Variants in CBLB observed in about 807,000 individuals in gnomAD.
CBLB encodes the protein E3 ubiquitin-protein ligase CBL-B.
Under a neutral mutation model 104.9 loss-of-function variants are expected in CBLB, and 31 were observed. The ratio of observed to expected loss-of-function variants is 0.30; its 90% CI spans 0.22 to 0.40. The LOEUF (loss-of-function observed/expected upper bound fraction) is 0.40. Among genes scored for constraint, CBLB ranks in the 10% least tolerant of loss-of-function variants. The pLI is 1.00. For synonymous variants in CBLB, 440 were observed against 422.6 expected (o/e 1.04, Z -0.51); for missense variants, 1,062 against 1,214.6 (o/e 0.87, Z 1.87).
chr3:105,704,372 A>G (rs879303529), intron 10 of CBLB, among the ~76,000 whole-genome samples, 199 bp from the exon 11 acceptor site: 8 of 152,188 alleles, frequency 5.3e-5, no homozygotes, highest in East Asian at 1.9e-4. Flanking sequence ...GAAAAGACTG[A>G]TAAGTTTTTC....
chr3:105,818,012 T>C (rs1188398741), intron 3 of CBLB, among the ~76,000 whole-genome samples: 7 of 152,212 alleles, frequency 4.6e-5, no homozygotes, highest in South Asian at 2.1e-4. Context: ...GATGTAATTA[T>C]ATTATCTTGT....
rs370356049 is a variant in CBLB at position 105,704,200 on chromosome 3, G to A, written c.1408-27C>T. The A allele has an allele frequency of 1.7e-5, 28 of 1,600,818 alleles. No individual in the cohort carries two copies. In the African/African-American group the frequency reaches 2.3e-4, roughly 13 times the overall value. On this transcript the variant is annotated intron_variant, in intron 10 of 18. Transcript: ENST00000394030. ...TAGAACAGAAAAAGAGAAAGATGCC[G>A]CTGTTTATTAGCTGTGCAGAGTGTT... is the stretch of plus-strand genomic sequence containing the variant.
In CBLB at chr3:105,738,664, A is replaced by C. The variant is rs79357086; in HGVS notation, c.984-1406T>G. Among the ~76,000 whole-genome samples, 924 of 152,178 alleles carry C rather than the reference A, an allele frequency of 6.1e-3. 28 individuals carry two copies. The highest frequency in any genetic ancestry group is 0.05 in the East Asian group (260 of 5,166). ...TAAAGGTTCTTTTTAACCTATCAGG[A>C]GGTTGTTGATAGGTTCTACTTATAA... On this transcript the variant is annotated intron_variant, in intron 7 of 18. Transcript: ENST00000394030.
At chr3:105,823,829 G>T (rs1393860901) in intron 3 of CBLB, among the ~76,000 whole-genome samples, 1 of 152,008 alleles carries the variant, frequency 6.6e-6, no homozygotes, top group Non-Finnish European at 1.5e-5. Context: ...CCATACCAGG[G>T]TACAAAGCAC....
At chr3:105,663,323 G>A (rs1385927209) in intron 18 of CBLB, among the ~76,000 whole-genome samples, 4 of 152,182 alleles carry the variant, frequency 2.6e-5, no homozygotes, top group Non-Finnish European at 4.4e-5. Context: ...AAGAAGAAGT[G>A]AGCAAAGGCA....
intron 9 of CBLB, among the ~76,000 whole-genome samples, chr3:105,721,050 C>T (rs1203692482): frequency 2.6e-5 from 4 of 152,196 alleles, no homozygotes; most frequent in African/African-American, 9.6e-5. Flanking sequence ...AGACTGTTTT[C>T]TTGCCCTACA....
chr3:105,748,041 T>C (rs930872552), intron 5 of CBLB, among the ~76,000 whole-genome samples: 1 of 152,194 alleles, frequency 6.6e-6, no homozygotes, highest in Admixed American at 6.5e-5. Context: ...ATGTAGTACT[T>C]ATGTGCTTTT....
intron 9 of CBLB, among the ~76,000 whole-genome samples, chr3:105,732,697 T>C (rs865848941): frequency 4.6e-5 from 7 of 152,162 alleles, no homozygotes; most frequent in African/African-American, 1.7e-4. Context: ...TATATTTTAT[T>C]ACTAAGTAAG....
intron 17 of CBLB, chr3:105,671,361 A>T (rs1219990232): frequency 4.7e-6 from 1 of 214,718 alleles, no homozygotes; most frequent in Non-Finnish European, 9.4e-6. Flanking sequence ...CAGGGATCTG[A>T]GGGATCTTTT....
intron 3 of CBLB, among the ~76,000 whole-genome samples, chr3:105,814,935 C>T (rs1430923193): frequency 8.4e-6 from 1 of 119,094 alleles, no homozygotes; most frequent in African/African-American, 3.2e-5. Context: ...TGCCACACAC[C>T]CTGTATCTCC....
intron 4 of CBLB, among the ~76,000 whole-genome samples, chr3:105,775,738 C>T (rs2079382691): frequency 6.6e-6 from 1 of 152,194 alleles, no homozygotes; most frequent in Non-Finnish European, 1.5e-5. Flanking sequence ...TATTCAATTC[C>T]ATTATCTACC....
intron 4 of CBLB, among the ~76,000 whole-genome samples, chr3:105,755,207 T>A (rs1156503785): frequency 6.7e-6 from 1 of 150,130 alleles, no homozygotes. Flanking sequence ...GTCCCCAGAG[T>A]GTGATATTCC....
intron 4 of CBLB, among the ~76,000 whole-genome samples, chr3:105,757,922 CTAAGA>C (rs2077230505): frequency 2.0e-5 from 3 of 152,258 alleles, no homozygotes; most frequent in African/African-American, 7.2e-5. Context: ...CCTTGATCAA[CTAAGA>C]TATGTTCAAT....
intron 2 of CBLB, 132 bp from the exon 3 acceptor site, chr3:105,853,796 T>C: frequency 1.6e-6 from 1 of 643,176 alleles, no homozygotes; most frequent in Non-Finnish European, 2.6e-6. Context: ...CTATCTCCAA[T>C]TTATTAACTG....
intron 3 of CBLB, among the ~76,000 whole-genome samples, chr3:105,798,374 T>C (rs2082470913): frequency 2.0e-5 from 3 of 152,324 alleles, no homozygotes; most frequent in African/African-American, 7.2e-5. Flanking sequence ...GTTTTCTCTT[T>C]GAAATAAGAC....
chr3:105,780,653 G>GTTTTTTTTTTTTTTTTTTTT (rs1245925965), intron 3 of CBLB, among the ~76,000 whole-genome samples: 3 of 84,684 alleles, frequency 3.5e-5, no homozygotes, highest in Admixed American at 2.6e-4. Context: ...TAAAAGTTTT[G>GTTTTTTTTTTTTTTTTTTTT]TTTTTTGTTT....
intron 10 of CBLB, 53 bp from the exon 11 acceptor site, chr3:105,704,226 C>A: frequency 6.5e-7 from 1 of 1,531,946 alleles, no homozygotes; most frequent in Non-Finnish European, 9.0e-7. Context: ...GCAGAGTGTT[C>A]TCTGTTCTTA....
chr3:105,693,440 C>CTG, intron 13 of CBLB, 54 bp downstream of exon 13: 1 of 1,085,472 alleles, frequency 9.2e-7, no homozygotes, highest in Non-Finnish European at 1.3e-6. Context: ...CTCAAAACCA[C>CTG]TCTACCATAT....
intron 3 of CBLB, among the ~76,000 whole-genome samples, chr3:105,792,756 C>A (rs990418795): frequency 2.0e-5 from 3 of 152,154 alleles, no homozygotes; most frequent in Non-Finnish European, 2.9e-5. Flanking sequence ...TGTGACTCAC[C>A]TCTGCCTAAT....
Sources: allele counts gnomAD v4.1 joint callset (sites outside exome capture counted in the v4.1 genomes callset), GRCh38; gene constraint gnomAD v4.1.1; transcripts MANE v1.5; gene names NCBI Gene and HGNC (gene_info 2026-07-23, HGNC 2026-07-21).